Variants in TSC1 observed in about 807,000 individuals in gnomAD.
TSC1 encodes the protein TSC complex subunit 1.
In TSC1, 20 loss-of-function variants were observed where a neutral mutation model predicts 124.3. The ratio of observed to expected loss-of-function variants is 0.16; its 90% CI spans 0.11 to 0.23. The LOEUF is 0.23. Among genes scored for constraint, TSC1 ranks in the 10% least tolerant of loss-of-function variants. The pLI, the probability that TSC1 is intolerant of heterozygous loss-of-function variation, is 1.00. For synonymous variants in TSC1, 493 were observed against 539.1 expected (o/e 0.91, Z 1.19); for missense variants, 1,124 against 1,448.5 (o/e 0.78, Z 3.64).
chr9:132,933,660 T>A (rs1249875404), intron 2 of TSC1, among the ~76,000 whole-genome samples: 1 of 152,186 alleles, frequency 6.6e-6, no homozygotes, highest in Non-Finnish European at 1.5e-5. Context: ...ACATGTGACA[T>A]AGTGACCACA....
intron 20 of TSC1, 147 bp downstream of exon 20, chr9:132,900,568 G>A: frequency 7.4e-7 from 1 of 1,350,314 alleles, no homozygotes; most frequent in Non-Finnish European, 1.0e-6. Context: ...GAAAGTGCTT[G>A]TATAGCTGGA....
chr9:132,944,680 C>G (rs550763141), upstream of TSC1: 1 of 398,734 alleles, frequency 2.5e-6, no homozygotes, highest in Non-Finnish European at 4.4e-6. Context: ...AAAGAGTCCC[C>G]CTCCGGACCT....
At chr9:132,944,713 A>G (rs115132103), upstream of TSC1, 729 of 398,426 alleles carry the variant, frequency 1.8e-3, 4 homozygotes, top group African/African-American at 0.013. Flanking sequence ...GAAAGGAAGG[A>G]TAGACGGCCG....
Position 132,897,466 on chromosome 9 carries a change from A to G in TSC1, c.2770T>C (p.Leu924=). ...TCCTCTAGATATTTCTTCTGTTCCA[A>G]AAGAAGGTGGTCTTTCTTGGCCAGG... ...SHLAKKDHLL[L]EQKKYLEDVK... is the part of the protein sequence containing the mutation. The change falls in exon 21 of 23, where the codon TTG becomes CTG. Residue 924 remains leucine, a synonymous_variant. Coordinates refer to ENST00000298552, the MANE Select transcript of TSC1 (RefSeq NM_000368.5). 6.2e-7 allele frequency: 1 copy of G among 1,614,206 alleles called. No individual in the cohort carries two copies. Among genetic ancestry groups the G allele is most frequent in the South Asian group, 1.1e-5 (1 of 91,088 alleles).
intron 12 of TSC1, among the ~76,000 whole-genome samples, chr9:132,907,828 T>A (rs1405668060): frequency 1.3e-5 from 2 of 152,236 alleles, no homozygotes; most frequent in African/African-American, 2.4e-5. Flanking sequence ...GGCCCACGCC[T>A]GTAGTCCCAG....
rs532151680 is a variant in TSC1 at position 132,917,362 on chromosome 9, G to A, written c.737+4001C>T. Among the ~76,000 whole-genome samples the A allele has an allele frequency of 4.6e-5, 7 of 151,626 alleles. No individual in the cohort carries two copies. In the South Asian group the frequency reaches 1.0e-3, roughly 23 times the overall value. On this transcript the variant is annotated intron_variant, in intron 8 of 22. Coordinates refer to ENST00000298552, the MANE Select transcript of TSC1 (RefSeq NM_000368.5). Reference sequence around the variant, plus strand: ...CTCTCTTTTTCTGAGATGGATTCTCGCTCTGTCACCCAGGCTGGCGTGCAG... The same window carrying A: ...CTCTCTTTTTCTGAGATGGATTCTCACTCTGTCACCCAGGCTGGCGTGCAG...
Position 132,903,927 on chromosome 9 carries a change from T to G in TSC1, c.2042-110A>C. ...ACAAACACAATTCTTTAAAAACAAA[T>G]CACCACTCTCTTTGCAAATGACCAC... On this transcript the variant is annotated intron_variant, in intron 16 of 22. Coordinates refer to ENST00000298552, the MANE Select transcript of TSC1 (RefSeq NM_000368.5). The surrounding 1 kb of genome is among the most constrained non-coding windows in gnomAD (Gnocchi z 5.9). 7.6e-7 allele frequency: 1 copy of G among 1,322,350 alleles called. No homozygotes were observed. The highest frequency in any genetic ancestry group is 1.1e-6 in the Non-Finnish European group (1 of 939,876). The allele number at this position is 1,322,350 out of a possible 1,614,324, so 81.9% of individuals were successfully genotyped here.
At chr9:132,935,850 A>C (rs937757388) in intron 1 of TSC1, among the ~76,000 whole-genome samples, 1 of 152,204 alleles carries the variant, frequency 6.6e-6, no homozygotes, top group Non-Finnish European at 1.5e-5. Context: ...ACTTCCTCAG[A>C]GAAGACCTCC....
intron 8 of TSC1, among the ~76,000 whole-genome samples, chr9:132,914,956 C>T (rs930535114): frequency 2.0e-5 from 3 of 152,234 alleles, no homozygotes; most frequent in East Asian, 1.9e-4. Context: ...CAGGAGATCA[C>T]TTGAGGCCAG....
In TSC1 at chr9:132,921,506, G is replaced by C. The variant is rs2132141156; in HGVS notation, c.664-70C>G. The C allele has an allele frequency of 6.5e-7, 1 of 1,548,226 alleles. No individual in the cohort carries two copies. The highest frequency in any genetic ancestry group is 8.9e-7 in the Non-Finnish European group (1 of 1,121,042). On this transcript the variant is annotated intron_variant, in intron 7 of 22. Transcript: ENST00000298552. This position sits in a 1 kb window ranked among gnomAD's most constrained non-coding sequence, Gnocchi z 4.3. ...GGAACATCCAAATGATGGAATATTA[G>C]TTGACAATTAAAAGGAATGAAGTAC... is the stretch of plus-strand genomic sequence containing the variant.
At position 132,902,790 on chromosome 9, in the gene TSC1, A is replaced by G. The variant is rs368309229; in HGVS notation, c.2209-3T>C. 108 of 1,613,092 alleles carry G rather than the reference A, an allele frequency of 6.7e-5. No homozygotes were observed. The highest frequency in any genetic ancestry group is 1.6e-4 in the African/African-American group (12 of 74,900). On this transcript the variant is annotated splice_polypyrimidine_tract_variant and splice_region_variant and intron_variant, in intron 17 of 22. Coordinates refer to ENST00000298552, the MANE Select transcript of TSC1 (RefSeq NM_000368.5). The surrounding 1 kb of genome is among the most constrained non-coding windows in gnomAD (Gnocchi z 5.2). ...TCTTGTAACTTCAACTGATCTTTCTAGCAGAGACCAGAAATGTCATCATTT... is the reference window on the plus strand; with the variant it reads ...TCTTGTAACTTCAACTGATCTTTCTGGCAGAGACCAGAAATGTCATCATTT...
chr9:132,923,588 A>G lies in TSC1; in HGVS notation c.364-96T>C. 6.5e-7 allele frequency: 1 copy of G among 1,544,236 alleles called. No homozygotes were observed. Among genetic ancestry groups the G allele is most frequent in the Non-Finnish European group, 8.9e-7 (1 of 1,121,484 alleles). ...TGAAGAGGCTCTAAACACTGAGAGAATCACAAATCACAAGTTGACTCACGT... is the reference window on the plus strand; with the variant it reads ...TGAAGAGGCTCTAAACACTGAGAGAGTCACAAATCACAAGTTGACTCACGT... On this transcript the variant is annotated intron_variant, in intron 5 of 22. Coordinates refer to ENST00000298552, the MANE Select transcript of TSC1 (RefSeq NM_000368.5). This position sits in a 1 kb window ranked among gnomAD's most constrained non-coding sequence, Gnocchi z 4.2.
Position 132,892,352 on chromosome 9 carries a change from G to A in TSC1, c.*3883C>T, listed in dbSNP as rs1844816148. The A allele has an allele frequency of 2.1e-5, 5 of 233,378 alleles. No individual in the cohort carries two copies. The East Asian group carries it at 2.4e-4, about 11-fold the overall frequency. 14.5% of individuals were successfully genotyped at this position (233,378 alleles called of 1,614,324 possible). On this transcript the variant is annotated 3_prime_UTR_variant, in exon 23 of 23. Coordinates refer to ENST00000298552, the MANE Select transcript of TSC1 (RefSeq NM_000368.5). ...TGTCACAGAACTCTGGATGTAAACA[G>A]ATACACAAACATCTTCAGACTGGAT...
chr9:132,908,046 C>T (rs1845761234), intron 12 of TSC1, among the ~76,000 whole-genome samples: 1 of 152,180 alleles, frequency 6.6e-6, no homozygotes, highest in Non-Finnish European at 1.5e-5. Flanking sequence ...GCAATTGTGC[C>T]ACTGCACTCC....
chr9:132,907,275 G>C (rs1253177949), intron 13 of TSC1, 26 bp downstream of exon 13: 1 of 1,598,610 alleles, frequency 6.3e-7, no homozygotes, highest in Admixed American at 1.7e-5. Flanking sequence ...AGGCAAGCAA[G>C]GCCTGTAGTA....
chr9:132,906,907 C>T lies in TSC1; in HGVS notation c.1334-72G>A. On this transcript the variant is annotated intron_variant, in intron 13 of 22. Transcript: ENST00000298552. The surrounding 1 kb of genome is among the most constrained non-coding windows in gnomAD (Gnocchi z 4.1). ...CCCTGTAAGTGTAAAACTGCTTACA[C>T]TGTATAGAATATGTCTGTAATAACT... 8.4e-7 allele frequency: 1 copy of T among 1,192,726 alleles called. No homozygotes were observed. The highest frequency in any genetic ancestry group is 1.2e-5 in the South Asian group (1 of 80,698). The allele number at this position is 1,192,726 out of a possible 1,614,324, so 73.9% of individuals were successfully genotyped here.
At chr9:132,918,156 A>G (rs1169483206) in intron 8 of TSC1, among the ~76,000 whole-genome samples, 1 of 152,256 alleles carries the variant, frequency 6.6e-6, no homozygotes, top group African/African-American at 2.4e-5. Flanking sequence ...GTTTTTAAAT[A>G]TAAACCCACA....
intron 20 of TSC1, chr9:132,899,708 T>G (rs1475750184): frequency 1.3e-5 from 2 of 152,112 alleles, no homozygotes; most frequent in African/African-American, 2.4e-5. Flanking sequence ...GCATCACCCG[T>G]TTTATGAACT....
rs1222555421 is a variant in TSC1, at chr9:132,928,778, T to C, written c.95A>G (p.Asn32Ser). The change falls in exon 3 of 23, where the codon AAC (asparagine) becomes AGC (serine). Residue 32 changes from asparagine (N) to serine (S), a missense_variant. Transcript: ENST00000298552. ...ATTATTTTGCTAACCAGAATTGAGG[T>C]TCTCTTTAAAGACAGCTGTCACGTC... ...RDDVTAVFKE[N>S]LNSDRGPMLV... 1 of 1,614,150 alleles carries C rather than the reference T, an allele frequency of 6.2e-7. No homozygotes were observed. Among genetic ancestry groups the C allele is most frequent in the Middle Eastern group, 1.6e-4 (1 of 6,062 alleles).
Sources: allele counts gnomAD v4.1 joint callset (sites outside exome capture counted in the v4.1 genomes callset), GRCh38; gene constraint gnomAD v4.1.1; non-coding constraint Gnocchi (gnomAD v3.1); transcripts MANE v1.5; gene names NCBI Gene and HGNC (gene_info 2026-07-23, HGNC 2026-07-21).